The following PVT1 variants were observed in gnomAD, a reference collection of about 807,000 sequenced individuals.
The protein encoded by PVT1 is CXCR4/PVT1 fusion.
chr8:128,090,315 C>A (rs1814334376), intron 5 of PVT1, among the ~76,000 whole-genome samples: 1 of 152,202 alleles, frequency 6.6e-6, no homozygotes, highest in South Asian at 2.1e-4. Context: ...TGTTTCTTTT[C>A]TCAAAAGACT....
intron 2 of PVT1, among the ~76,000 whole-genome samples, chr8:127,856,187 T>C (rs1185974501): frequency 6.6e-6 from 1 of 151,788 alleles, no homozygotes; most frequent in Non-Finnish European, 1.5e-5. Flanking sequence ...GAGTGTCCTT[T>C]TGGTGTGTGG....
At chr8:127,797,660 A>G (rs1814412765) in intron 2 of PVT1, among the ~76,000 whole-genome samples, 1 of 152,232 alleles carries the variant, frequency 6.6e-6, no homozygotes, top group Non-Finnish European at 1.5e-5. Flanking sequence ...AATAAGAACA[A>G]TAATAGTGCA....
intron 2 of PVT1, among the ~76,000 whole-genome samples, chr8:127,813,090 C>T (rs909335835): frequency 6.7e-6 from 1 of 149,444 alleles, no homozygotes; most frequent in African/African-American, 2.5e-5. Flanking sequence ...GACTTCGTGC[C>T]GGTTTGAACT....
intron 2 of PVT1, among the ~76,000 whole-genome samples, chr8:127,802,273 A>ATG (rs1298208256): frequency 6.6e-6 from 1 of 151,740 alleles, no homozygotes; most frequent in Non-Finnish European, 1.5e-5. Context: ...GAATGCAGTG[A>ATG]TGTGTTCATA....
chr8:127,806,337 T>C (rs1814526740), intron 2 of PVT1, among the ~76,000 whole-genome samples: 1 of 152,180 alleles, frequency 6.6e-6, no homozygotes, highest in African/African-American at 2.4e-5. Context: ...GGCGTGTGCC[T>C]GTAGTCCCAG....
chr8:127,909,257 G>C (rs1239271083), intron 3 of PVT1, among the ~76,000 whole-genome samples: 1 of 152,244 alleles, frequency 6.6e-6, no homozygotes, highest in African/African-American at 2.4e-5. Flanking sequence ...TTGCTATTCA[G>C]ATCATCTGTG....
chr8:127,981,831 A>G (rs139227092), intron 3 of PVT1, among the ~76,000 whole-genome samples: 1 of 152,172 alleles, frequency 6.6e-6, no homozygotes, highest in Non-Finnish European at 1.5e-5. Flanking sequence ...ATTTCCTCAC[A>G]TATTATCTTC....
At chr8:127,904,722 G>A (rs948838018) in intron 3 of PVT1, among the ~76,000 whole-genome samples, 1 of 152,204 alleles carries the variant, frequency 6.6e-6, no homozygotes, top group Non-Finnish European at 1.5e-5. Context: ...ACCACTGACA[G>A]ACTGAGGCCG....
chr8:127,970,425 G>A (rs917647325), intron 3 of PVT1, among the ~76,000 whole-genome samples: 1 of 148,056 alleles, frequency 6.8e-6, no homozygotes, highest in African/African-American at 2.5e-5. Flanking sequence ...AGCCTCCCGA[G>A]TAGCTGGGAC....
chr8:127,984,180 ACT>A (rs1816916815), intron 3 of PVT1: 2 of 151,812 alleles, frequency 1.3e-5, no homozygotes, highest in African/African-American at 4.8e-5. Flanking sequence ...CACCCGGACG[ACT>A]CTGACATTTT....
At chr8:127,794,715 A>C (rs1175037783) in exon 1 of PVT1, 1 of 153,294 alleles carries the variant, frequency 6.5e-6, no homozygotes, top group Non-Finnish European at 1.5e-5. Context: ...CTGTGGAGAC[A>C]CGGCCAGATC....
intron 3 of PVT1, among the ~76,000 whole-genome samples, chr8:127,897,929 A>G (rs1270533598): frequency 6.6e-6 from 1 of 151,200 alleles, no homozygotes; most frequent in Non-Finnish European, 1.5e-5. Context: ...GGAAGAAAGG[A>G]AAGAAAGAAA....
chr8:128,049,557 G>A (rs1339184705), intron 4 of PVT1, among the ~76,000 whole-genome samples: 2 of 152,178 alleles, frequency 1.3e-5, no homozygotes, highest in Non-Finnish European at 2.9e-5. Flanking sequence ...TCCACTCCTT[G>A]CTCTTCTCTG....
intron 4 of PVT1, among the ~76,000 whole-genome samples, chr8:128,063,933 T>C (rs1730166907): frequency 6.6e-6 from 1 of 152,178 alleles, no homozygotes; most frequent in South Asian, 2.1e-4. Flanking sequence ...ATCCACTGTG[T>C]CCTTCAAAAC....
chr8:128,034,864 G>C (rs1447249416), intron 4 of PVT1, among the ~76,000 whole-genome samples: 1 of 152,220 alleles, frequency 6.6e-6, no homozygotes, highest in Non-Finnish European at 1.5e-5. Context: ...GGGACTTTGA[G>C]TAAATGACTT....
chr8:127,851,423 C>A (rs1563621594), intron 2 of PVT1, among the ~76,000 whole-genome samples: 1 of 152,172 alleles, frequency 6.6e-6, no homozygotes, highest in African/African-American at 2.4e-5. Context: ...CTTTGAGCCA[C>A]CCCCGCCCAT....
chr8:127,884,942 C>T (rs550278769), intron 2 of PVT1, among the ~76,000 whole-genome samples: 3 of 152,318 alleles, frequency 2.0e-5, no homozygotes, highest in African/African-American at 7.2e-5. Context: ...TTAATGGATC[C>T]GACCCCAACA....
chr8:127,945,896 G>C (rs1816414240), intron 3 of PVT1, among the ~76,000 whole-genome samples: 3 of 152,206 alleles, frequency 2.0e-5, no homozygotes, highest in Non-Finnish European at 1.5e-5. Context: ...AGTCAGCTCT[G>C]TGTCCTAGGG....
At chr8:127,982,694 A>C (rs1297306585) in intron 3 of PVT1, among the ~76,000 whole-genome samples, 1 of 151,868 alleles carries the variant, frequency 6.6e-6, no homozygotes, top group African/African-American at 2.4e-5. Context: ...TAAATGAATC[A>C]ATTAAAAGAA....
Sources: allele counts gnomAD v4.1 joint callset (sites outside exome capture counted in the v4.1 genomes callset), GRCh38; gene constraint gnomAD v4.1.1; transcripts MANE v1.5; gene names NCBI Gene and HGNC (gene_info 2026-07-23, HGNC 2026-07-21).